The following ADAMTSL1 variants were observed in gnomAD, a reference collection of about 807,000 sequenced individuals.
The protein encoded by ADAMTSL1 is ADAMTS-like protein 1.
A neutral mutation model predicts 201.8 loss-of-function variants in ADAMTSL1; 126 were observed. The observed-to-expected ratio is 0.62, with a 90% confidence interval of 0.54 to 0.72. ADAMTSL1 has a LOEUF of 0.72. Ranked by LOEUF, ADAMTSL1 falls within the 30% of genes least tolerant of loss-of-function variation. ADAMTSL1 has a pLI of 0.00. For missense variants in ADAMTSL1, 2,679 were observed against 2,277.8 expected, an observed-to-expected ratio of 1.18 and a Z score of -3.59; for synonymous variants, 1,121 against 903.4, an observed-to-expected ratio of 1.24 and a Z score of -4.32.
chr9:18,841,266 A>G (rs981333356), intron 23 of ADAMTSL1, among the ~76,000 whole-genome samples: 1 of 152,050 alleles, frequency 6.6e-6, no homozygotes, highest in Non-Finnish European at 1.5e-5. Flanking sequence ...AATTTTGTCA[A>G]AGGCCTTTTC....
chr9:18,803,189 C>G (rs750544664), intron 20 of ADAMTSL1, among the ~76,000 whole-genome samples: 1 of 152,244 alleles, frequency 6.6e-6, no homozygotes, highest in Non-Finnish European at 1.5e-5. Context: ...TCCGAAGGCT[C>G]TAAAAGAGAA....
At chr9:18,444,096 AAAATAGACT>A (rs1820099497) in intron 2 of ADAMTSL1, among the ~76,000 whole-genome samples, 2 of 152,226 alleles carry the variant, frequency 1.3e-5, no homozygotes, top group Non-Finnish European at 2.9e-5. Flanking sequence ...ACTTGGGGAT[AAAATAGACT>A]AAATAATGCT....
chr9:18,532,185 G>A lies in ADAMTSL1; in HGVS notation c.192-1062G>A, dbSNP rs1033183298. Reference sequence around the variant, plus strand: ...CATGATTTAAGTGTCAGCATTGAACGTTTTATCAAAAGTTGATTGTTTTTG... The same window carrying A: ...CATGATTTAAGTGTCAGCATTGAACATTTTATCAAAAGTTGATTGTTTTTG... On this transcript the variant is annotated intron_variant, in intron 2 of 28. Coordinates refer to ENST00000380548, the MANE Select transcript of ADAMTSL1 (RefSeq NM_001040272.6). 3.9e-5 allele frequency among the ~76,000 whole-genome samples: 6 copies of A among 152,028 alleles called. No individual in the cohort carries two copies. In the East Asian group the frequency reaches 7.7e-4, roughly 20 times the overall value.
intron 2 of ADAMTSL1, among the ~76,000 whole-genome samples, chr9:18,464,256 C>G (rs1401279111): frequency 1.3e-5 from 2 of 152,182 alleles, no homozygotes; most frequent in Non-Finnish European, 2.9e-5. Flanking sequence ...TGTCATGACT[C>G]AGGCTATCTA....
chr9:18,458,191 C>A (rs988478147), intron 2 of ADAMTSL1, among the ~76,000 whole-genome samples: 5 of 152,100 alleles, frequency 3.3e-5, no homozygotes, highest in Non-Finnish European at 2.9e-5. Context: ...TTCATTTAAA[C>A]CAAGAGTTTT....
intron 1 of ADAMTSL1, among the ~76,000 whole-genome samples, chr9:18,081,730 ATT>A (rs1240808124): frequency 6.6e-6 from 1 of 152,150 alleles, no homozygotes; most frequent in East Asian, 1.9e-4. Flanking sequence ...TGAATCCTTT[ATT>A]TTTGTCTATT....
At chr9:18,700,473 C>G (rs1366638232) in intron 13 of ADAMTSL1, among the ~76,000 whole-genome samples, 1 of 151,974 alleles carries the variant, frequency 6.6e-6, no homozygotes, top group Non-Finnish European at 1.5e-5. Flanking sequence ...TAATTTTTTC[C>G]CTATTTATCC....
intron 1 of ADAMTSL1, among the ~76,000 whole-genome samples, chr9:17,916,318 C>A (rs1588410170): frequency 6.6e-6 from 1 of 152,150 alleles, no homozygotes. Context: ...TTGGCAGAAG[C>A]TTTTAATTTT....
chr9:18,413,827 C>T (rs75653023), intron 2 of ADAMTSL1, among the ~76,000 whole-genome samples: 2 of 152,262 alleles, frequency 1.3e-5, no homozygotes, highest in East Asian at 3.9e-4. Flanking sequence ...TTATTTGAGA[C>T]ATGTTTATGG....
Position 18,910,282 on chromosome 9 carries a change from AAG to A in ADAMTSL1, c.*1736_*1737del, listed in dbSNP as rs1246368629. 2.7e-5 allele frequency: 4 copies of A among 150,232 alleles called. No individual in the cohort carries two copies. Among genetic ancestry groups the A allele is most frequent in the Non-Finnish European group, 4.4e-5 (3 of 68,006 alleles). 9.3% of individuals were successfully genotyped at this position (150,232 alleles called of 1,614,324 possible). A position where few individuals can be genotyped will look rare whatever the true frequency, so the allele number is the denominator to read the frequency against. ...AGTGTAAAGTCTGTTTAAAATAAAAAAGAATGTTTTCTATGTCTGTATATCTT... is the reference window on the plus strand; with the variant it reads ...AGTGTAAAGTCTGTTTAAAATAAAAAAATGTTTTCTATGTCTGTATATCTT... On this transcript the variant is annotated 3_prime_UTR_variant, in exon 29 of 29. Transcript: ENST00000380548.
intron 1 of ADAMTSL1, among the ~76,000 whole-genome samples, chr9:18,041,001 T>C (rs1379944067): frequency 6.6e-6 from 1 of 152,196 alleles, no homozygotes; most frequent in Non-Finnish European, 1.5e-5. Flanking sequence ...TTAGTAGGAA[T>C]TATGTATAAA....
chr9:18,409,730 T>C (rs1395104557), intron 2 of ADAMTSL1, among the ~76,000 whole-genome samples: 2 of 150,698 alleles, frequency 1.3e-5, no homozygotes, highest in Admixed American at 1.3e-4. Flanking sequence ...TATGTATACA[T>C]ATAAGTATCA....
chr9:17,998,696 G>A (rs1819487274), intron 1 of ADAMTSL1, among the ~76,000 whole-genome samples: 1 of 152,020 alleles, frequency 6.6e-6, no homozygotes. Context: ...GTCAGACCAT[G>A]GCATGGGTTG....
At chr9:17,965,744 G>T (rs1310699584) in intron 1 of ADAMTSL1, among the ~76,000 whole-genome samples, 1 of 152,136 alleles carries the variant, frequency 6.6e-6, no homozygotes, top group East Asian at 1.9e-4. Flanking sequence ...GGCCCCAAGG[G>T]CATGTAAGTA....
intron 5 of ADAMTSL1, among the ~76,000 whole-genome samples, chr9:18,633,422 T>G (rs1252656696): frequency 6.6e-6 from 1 of 152,056 alleles, no homozygotes; most frequent in African/African-American, 2.4e-5. Context: ...AAACCCCGTC[T>G]CTACTAAAAA....
At chr9:18,291,745 T>TCACACACA (rs1364394883) in intron 2 of ADAMTSL1, among the ~76,000 whole-genome samples, 2 of 111,042 alleles carry the variant, frequency 1.8e-5, no homozygotes, top group Non-Finnish European at 1.9e-5. Context: ...TCTCTCTCTC[T>TCACACACA]CTCACACACA....
intron 2 of ADAMTSL1, among the ~76,000 whole-genome samples, chr9:18,315,878 C>T (rs1318174636): frequency 6.6e-6 from 1 of 152,126 alleles, no homozygotes; most frequent in Admixed American, 6.5e-5. Context: ...CATGTTGTCA[C>T]CTCTCTCTCT....
At chr9:17,991,102 T>G (rs1370669236) in intron 1 of ADAMTSL1, among the ~76,000 whole-genome samples, 1 of 152,202 alleles carries the variant, frequency 6.6e-6, no homozygotes. Flanking sequence ...GGAATTCCTA[T>G]GTAGATATCC....
intron 2 of ADAMTSL1, among the ~76,000 whole-genome samples, chr9:18,382,060 A>G (rs1186474652): frequency 6.6e-6 from 1 of 152,182 alleles, no homozygotes; most frequent in Non-Finnish European, 1.5e-5. Flanking sequence ...CAAGAGAATG[A>G]TAAAGCAGAC....
Sources: gnomAD v4.1 joint callset for allele counts (sites outside exome capture counted in the v4.1 genomes callset) on GRCh38, gnomAD v4.1.1 for gene constraint, MANE v1.5 for transcripts, NCBI Gene and HGNC (gene_info 2026-07-23, HGNC 2026-07-21) for gene names.